The following CAST variants were observed in gnomAD, a reference collection of about 807,000 sequenced individuals.
The protein encoded by CAST is calpastatin.
A neutral mutation model predicts 119.6 loss-of-function variants in CAST; 76 were observed. That is an observed-to-expected ratio of 0.64 (90% confidence interval 0.53 to 0.77). The LOEUF (loss-of-function observed/expected upper bound fraction) is 0.77, where lower values mean the gene tolerates loss of function less well. Among genes scored for constraint, CAST ranks in the 30% least tolerant of loss-of-function variants. The probability of loss-of-function intolerance (pLI) is 0.00; values close to 1 mark genes in which losing one functional copy is unlikely to be tolerated. For synonymous variants in CAST, 319 were observed against 331.6 expected (o/e 0.96, Z 0.41); for missense variants, 953 against 946.5 (o/e 1.01, Z -0.09).
At chr5:96,595,319 C>G (rs1441377403) in intron 1 of CAST, among the ~76,000 whole-genome samples, 1 of 152,156 alleles carries the variant, frequency 6.6e-6, no homozygotes, top group Non-Finnish European at 1.5e-5. Flanking sequence ...TGGACTAGGA[C>G]CAGCCACAAG....
the CAST span, among the ~76,000 whole-genome samples, chr5:96,456,287 G>A: frequency 4.6e-5 from 7 of 152,168 alleles, no homozygotes; most frequent in Admixed American, 4.6e-4. Context: ...CTAAATCAAA[G>A]TGTTTAAAAC....
chr5:96,637,200 G>A (rs1211691601), intron 1 of CAST, among the ~76,000 whole-genome samples: 1 of 152,158 alleles, frequency 6.6e-6, no homozygotes, highest in African/African-American at 2.4e-5. Context: ...CTATGTGTCA[G>A]GTGCAAGTCT....
chr5:95,995,232 C>T, the CAST span, among the ~76,000 whole-genome samples: 1 of 150,754 alleles, frequency 6.6e-6, no homozygotes, highest in African/African-American at 2.5e-5. Context: ...AAACTGACCC[C>T]AGTGGAGCTC....
chr5:96,238,043 TAAAC>T, the CAST span, among the ~76,000 whole-genome samples: 4 of 152,058 alleles, frequency 2.6e-5, no homozygotes, highest in African/African-American at 9.7e-5. Flanking sequence ...CTCTCATAAT[TAAAC>T]AAAATGAAAT....
At chr5:96,232,632 C>A in the CAST span, among the ~76,000 whole-genome samples, 2 of 151,798 alleles carry the variant, frequency 1.3e-5, no homozygotes, top group Non-Finnish European at 2.9e-5. Flanking sequence ...TGTATAAATG[C>A]AATTTTAAAA....
the CAST span, among the ~76,000 whole-genome samples, chr5:96,022,338 A>G: frequency 6.6e-6 from 1 of 152,212 alleles, no homozygotes; most frequent in Non-Finnish European, 1.5e-5. Context: ...TTCTATCATA[A>G]ACATGTGTCA....
the CAST span, among the ~76,000 whole-genome samples, chr5:96,340,300 T>G: frequency 1.3e-5 from 2 of 152,190 alleles, no homozygotes; most frequent in Non-Finnish European, 2.9e-5. Context: ...GCTCAGGTCC[T>G]TTTGTAGAAA....
At chr5:96,125,802 T>A in the CAST span, among the ~76,000 whole-genome samples, 1 of 152,146 alleles carries the variant, frequency 6.6e-6, no homozygotes, top group South Asian at 2.1e-4. Flanking sequence ...TACTTCAGTC[T>A]GCTCCCACAG....
chr5:96,303,123 G>A, the CAST span, among the ~76,000 whole-genome samples: 1 of 152,324 alleles, frequency 6.6e-6, no homozygotes, highest in South Asian at 2.1e-4. Context: ...GGCGGAAGGT[G>A]AAGGGGAAGC....
chr5:96,710,589 AGTGTTAATGC>A (rs1755920293), intron 3 of CAST, among the ~76,000 whole-genome samples: 1 of 152,152 alleles, frequency 6.6e-6, no homozygotes, highest in African/African-American at 2.4e-5. Context: ...ACTGAGCTAC[AGTGTTAATGC>A]TTGGCCAGTT....
the CAST span, among the ~76,000 whole-genome samples, chr5:96,125,879 T>C: frequency 1.1e-4 from 17 of 152,128 alleles, no homozygotes; most frequent in African/African-American, 2.7e-4. Context: ...CTTTCTAATT[T>C]GTTGTCCCTT....
the CAST span, among the ~76,000 whole-genome samples, chr5:96,419,336 C>T: frequency 6.8e-6 from 1 of 146,950 alleles, no homozygotes; most frequent in African/African-American, 2.5e-5. Flanking sequence ...TAAAACCTCA[C>T]TTTAACCCCT....
intron 1 of CAST, among the ~76,000 whole-genome samples, chr5:96,627,709 G>A (rs1561434659): frequency 6.6e-6 from 1 of 152,190 alleles, no homozygotes; most frequent in Non-Finnish European, 1.5e-5. Flanking sequence ...CACTCTCCTG[G>A]ACTTGTGTGA....
chr5:96,639,450 C>A (rs1747924439), intron 1 of CAST, among the ~76,000 whole-genome samples: 1 of 152,198 alleles, frequency 6.6e-6, no homozygotes, highest in African/African-American at 2.4e-5. Flanking sequence ...ATCTCCTCTT[C>A]TTCATCCCCA....
chr5:96,754,643 T>C lies in CAST; in HGVS notation c.1627-15T>C, dbSNP rs1249962245. The C allele has an allele frequency of 6.7e-7, 1 of 1,497,298 alleles. No homozygotes were observed. Among genetic ancestry groups the C allele is most frequent in the Non-Finnish European group, 9.2e-7 (1 of 1,085,358 alleles). 92.8% of individuals were successfully genotyped at this position (1,497,298 alleles called of 1,614,324 possible). A position where few individuals can be genotyped will look rare whatever the true frequency, so the allele number is the denominator to read the frequency against. On this transcript the variant is annotated splice_polypyrimidine_tract_variant and intron_variant, in intron 21 of 31. Transcript: ENST00000675179. The stretch of plus-strand genomic sequence containing the variant: ...AAAAACATGCTAACAATGAAAATGG[T>C]ATAATTTTTCTCAGGAGAAGGCCAA...
chr5:96,388,593 G>A, the CAST span, among the ~76,000 whole-genome samples: 1 of 152,220 alleles, frequency 6.6e-6, no homozygotes, highest in Non-Finnish European at 1.5e-5. Flanking sequence ...TCTGTCCACA[G>A]GGGCAGAGGG....
chr5:96,360,431 G>T, the CAST span, among the ~76,000 whole-genome samples: 1 of 152,232 alleles, frequency 6.6e-6, no homozygotes, highest in East Asian at 1.9e-4. Flanking sequence ...TGAATTTTCA[G>T]CCATTTTGCA....
At chr5:96,073,771 A>C in the CAST span, among the ~76,000 whole-genome samples, 3 of 152,072 alleles carry the variant, frequency 2.0e-5, no homozygotes, top group African/African-American at 7.2e-5. Flanking sequence ...CCTGCTGCCC[A>C]CCTTCTGCTG....
At chr5:96,108,274 C>T in the CAST span, among the ~76,000 whole-genome samples, 2,851 of 152,312 alleles carry the variant, frequency 0.019, 81 homozygotes, top group African/African-American at 0.066. Context: ...TGAGGAACTG[C>T]GTTCCTTTGG....
Sources: gnomAD v4.1 joint callset for allele counts (sites outside exome capture counted in the v4.1 genomes callset) on GRCh38, gnomAD v4.1.1 for gene constraint, MANE v1.5 for transcripts, NCBI Gene and HGNC (gene_info 2026-07-23, HGNC 2026-07-21) for gene names.